ZNF521: variants seen among roughly 807,000 people sequenced by gnomAD.
ZNF521 encodes the protein LYST-interacting protein 3.
A neutral mutation model predicts 105.5 loss-of-function variants in ZNF521; 14 were observed. The ratio of observed to expected loss-of-function variants is 0.13; its 90% CI spans 0.09 to 0.21. The LOEUF is 0.21. Ranked by LOEUF, ZNF521 falls within the 10% of genes least tolerant of loss-of-function variation. The probability of loss-of-function intolerance (pLI) is 1.00; values close to 1 mark genes in which losing one functional copy is unlikely to be tolerated. For missense variants in ZNF521, 1,233 were observed against 1,629.7 expected (o/e 0.76, Z 4.19); for synonymous variants, 635 against 606.0 (o/e 1.05, Z -0.70).
chr18:25,175,017 T>C (rs1235167400), intron 5 of ZNF521, among the ~76,000 whole-genome samples: 1 of 152,268 alleles, frequency 6.6e-6, no homozygotes, highest in East Asian at 1.9e-4. Flanking sequence ...GATACAGCAC[T>C]ATTACCATTC....
intron 5 of ZNF521, among the ~76,000 whole-genome samples, chr18:25,182,453 A>C (rs1334041588): frequency 6.6e-6 from 1 of 152,182 alleles, no homozygotes; most frequent in East Asian, 1.9e-4. Flanking sequence ...TTGTAACCTG[A>C]GGTCAACATA....
At chr18:25,240,689 A>C (rs560426327) in intron 3 of ZNF521, among the ~76,000 whole-genome samples, 1 of 152,200 alleles carries the variant, frequency 6.6e-6, no homozygotes, top group East Asian at 1.9e-4. Flanking sequence ...GAATCGTCCA[A>C]AGAGCCTTTA....
intron 2 of ZNF521, among the ~76,000 whole-genome samples, chr18:25,331,098 T>A (rs899666312): frequency 2.0e-4 from 31 of 152,354 alleles, no homozygotes; most frequent in African/African-American, 7.0e-4. Context: ...ACTACCCTGA[T>A]GCCTTCAGAT....
At chr18:25,250,889 T>C (rs2144846954) in intron 3 of ZNF521, among the ~76,000 whole-genome samples, 1 of 152,342 alleles carries the variant, frequency 6.6e-6, no homozygotes, top group Admixed American at 6.5e-5. Context: ...GATTCATTCT[T>C]CAGTGAAAAG....
chr18:25,132,362 G>A (rs1421385132), intron 5 of ZNF521, among the ~76,000 whole-genome samples: 1 of 152,018 alleles, frequency 6.6e-6, no homozygotes, highest in Non-Finnish European at 1.5e-5. Context: ...AGGATGTTTA[G>A]GAATAAAACA....
Position 25,062,469 on chromosome 18 carries a change from C to G in ZNF521, c.*243G>C. The G allele has an allele frequency of 4.5e-6, 2 of 443,862 alleles. No individual in the cohort carries two copies. Among genetic ancestry groups the G allele is most frequent in the Non-Finnish European group, 7.6e-6 (2 of 261,802 alleles). The allele number at this position is 443,862 out of a possible 1,614,324, so 27.5% of individuals were successfully genotyped here. A position where few individuals can be genotyped will look rare whatever the true frequency, so the allele number is the denominator to read the frequency against. Reference sequence around the variant, plus strand: ...CTGAATAGGGCCCAAGTCCACTTGTCTTTATAAGACCATTTTAGTATCAGA... The same window carrying G: ...CTGAATAGGGCCCAAGTCCACTTGTGTTTATAAGACCATTTTAGTATCAGA... On this transcript the variant is annotated 3_prime_UTR_variant, in exon 8 of 8. Coordinates refer to ENST00000361524, the MANE Select transcript of ZNF521 (RefSeq NM_015461.3).
intron 3 of ZNF521, among the ~76,000 whole-genome samples, chr18:25,266,691 G>C (rs926980622): frequency 6.6e-6 from 1 of 152,058 alleles, no homozygotes; most frequent in African/African-American, 2.4e-5. Context: ...GTGAGGGACT[G>C]TACCACGAGG....
chr18:25,194,005 C>T (rs1751968870), intron 5 of ZNF521, among the ~76,000 whole-genome samples: 1 of 151,786 alleles, frequency 6.6e-6, no homozygotes, highest in Admixed American at 6.6e-5. Flanking sequence ...AATTTATCTT[C>T]ATTAATTTAT....
intron 7 of ZNF521, among the ~76,000 whole-genome samples, chr18:25,068,900 T>C (rs1380447370): frequency 6.6e-6 from 1 of 152,228 alleles, no homozygotes; most frequent in South Asian, 2.1e-4. Context: ...TCCTTGGATA[T>C]AATGTAGGCT....
chr18:25,351,854 C>G (rs1189672215), intron 1 of ZNF521, 151 bp downstream of exon 1: 3 of 214,912 alleles, frequency 1.4e-5, no homozygotes, highest in East Asian at 3.1e-4. Context: ...GACCGGGGCT[C>G]TAAAGTCTAC....
intron 3 of ZNF521, among the ~76,000 whole-genome samples, chr18:25,286,934 C>G (rs1016398968): frequency 6.6e-6 from 1 of 152,172 alleles, no homozygotes; most frequent in African/African-American, 2.4e-5. Context: ...CAAATTACAT[C>G]ATATGGGACT....
At chr18:25,231,864 G>T (rs1470950216) in intron 3 of ZNF521, among the ~76,000 whole-genome samples, 1 of 152,196 alleles carries the variant, frequency 6.6e-6, no homozygotes, top group East Asian at 1.9e-4. Flanking sequence ...AATTATTCAA[G>T]AGAAACTAAT....
intron 2 of ZNF521, among the ~76,000 whole-genome samples, chr18:25,341,152 G>A (rs1914180462): frequency 6.6e-6 from 1 of 152,104 alleles, no homozygotes; most frequent in Non-Finnish European, 1.5e-5. Context: ...TAAGATCCAT[G>A]ATTCAGTAAA....
chr18:25,312,001 T>C (rs1912335715), intron 3 of ZNF521, among the ~76,000 whole-genome samples: 1 of 152,196 alleles, frequency 6.6e-6, no homozygotes, highest in Non-Finnish European at 1.5e-5. Flanking sequence ...AATAGACTCA[T>C]TTATTTTCTA....
chr18:25,160,789 G>C (rs924227811), intron 5 of ZNF521, among the ~76,000 whole-genome samples: 6 of 152,106 alleles, frequency 3.9e-5, no homozygotes, highest in African/African-American at 1.4e-4. Flanking sequence ...ATGACATTTG[G>C]GGAGGTTGAC....
intron 7 of ZNF521, chr18:25,082,572 A>T (rs1279794319): frequency 2.2e-6 from 1 of 447,544 alleles, no homozygotes; most frequent in Non-Finnish European, 4.5e-6. Flanking sequence ...GTGATGGCTC[A>T]CGCCTGTAAT....
chr18:25,131,786 A>T (rs1009378613), intron 5 of ZNF521, among the ~76,000 whole-genome samples: 1 of 152,158 alleles, frequency 6.6e-6, no homozygotes, highest in Admixed American at 6.5e-5. Context: ...AATAGTTCAC[A>T]CTTCTCTAAT....
At chr18:25,333,542 T>C (rs1913710196) in intron 2 of ZNF521, among the ~76,000 whole-genome samples, 1 of 152,092 alleles carries the variant, frequency 6.6e-6, no homozygotes, top group Non-Finnish European at 1.5e-5. Context: ...GTACATCCTG[T>C]CTCTGAAATA....
At chr18:25,142,181 C>T (rs2034861655) in intron 5 of ZNF521, among the ~76,000 whole-genome samples, 2 of 152,058 alleles carry the variant, frequency 1.3e-5, no homozygotes, top group African/African-American at 4.8e-5. Context: ...AAGCACAGCA[C>T]CTCATCAAAT....
Sources: allele counts gnomAD v4.1 joint callset (sites outside exome capture counted in the v4.1 genomes callset), GRCh38; gene constraint gnomAD v4.1.1; transcripts MANE v1.5; gene names NCBI Gene and HGNC (gene_info 2026-07-23, HGNC 2026-07-21).